NPEPL1: variants seen among roughly 807,000 people sequenced by gnomAD.
The protein encoded by NPEPL1 is probable aminopeptidase NPEPL1.
In NPEPL1, 45 loss-of-function variants were observed where a neutral mutation model predicts 52.4. The observed-to-expected ratio is 0.86, with a 90% confidence interval of 0.68 to 1.10. The LOEUF (loss-of-function observed/expected upper bound fraction) is 1.10. NPEPL1 is among the 50% of genes least tolerant of loss of function. The pLI, the probability that NPEPL1 is intolerant of heterozygous loss-of-function variation, is 0.00. For missense variants in NPEPL1, 696 were observed against 710.9 expected (o/e 0.98, Z 0.24); for synonymous variants, 360 against 314.7 (o/e 1.14, Z -1.52).
chr20:58,691,603 G>A (rs1426121979), upstream of NPEPL1: 2 of 634,180 alleles, frequency 3.2e-6, no homozygotes, highest in Non-Finnish European at 5.5e-6. Flanking sequence ...ACAAGTTAGG[G>A]AGCTAGGGGG....
chr20:58,705,449 T>C, intron 6 of NPEPL1: 1 of 456,190 alleles, frequency 2.2e-6, no homozygotes, highest in Non-Finnish European at 4.4e-6. Flanking sequence ...ATTTTACTGC[T>C]TCAGCAAGGA....
chr20:58,698,447 T>C lies in NPEPL1; in HGVS notation c.508-237T>C, dbSNP rs543970985. Among the ~76,000 whole-genome samples, 242 of 151,970 alleles carry C rather than the reference T, an allele frequency of 1.6e-3. 4 individuals carry two copies. Among genetic ancestry groups the C allele is most frequent in the Non-Finnish European group, 7.4e-4 (50 of 67,906 alleles). On this transcript the variant is annotated intron_variant, in intron 3 of 11. Coordinates refer to ENST00000356091, the MANE Select transcript of NPEPL1 (RefSeq NM_024663.4). ...CAGGCTGGGGACTCCTGTATATTTG[T>C]GGAGGCGCAGGGTGGTGGCTGTGCT...
chr20:58,712,556 C>T lies in NPEPL1; in HGVS notation c.978C>T (p.Asp326=), dbSNP rs746539231. 6 of 1,613,068 alleles carry T rather than the reference C, an allele frequency of 3.7e-6. No homozygotes were observed. In the South Asian group the frequency reaches 5.5e-5, roughly 15 times the overall value. The change falls in exon 8 of 12, where the codon GAC becomes GAT. Residue 326 remains aspartate, a synonymous_variant. Coordinates refer to ENST00000356091, the MANE Select transcript of NPEPL1 (RefSeq NM_024663.4). ...SVGPNATRPD[D]IHLLYSGKTV... ...GGCCCAATGCGACAAGGCCAGATGACATCCACCTGCTGTACTCAGGGAAGT... is the reference window on the plus strand; with the variant it reads ...GGCCCAATGCGACAAGGCCAGATGATATCCACCTGCTGTACTCAGGGAAGT...
In NPEPL1 at chr20:58,714,599, A is replaced by T; in HGVS notation, c.1342A>T (p.Ile448Phe). The T allele has an allele frequency of 6.3e-7, 1 of 1,595,614 alleles. No individual in the cohort carries two copies. Among genetic ancestry groups the T allele is most frequent in the Non-Finnish European group, 8.5e-7 (1 of 1,172,976 alleles). The change falls in exon 11 of 12, where the codon ATC becomes TTC. Residue 448 changes from isoleucine to phenylalanine, a missense_variant. Coordinates refer to ENST00000356091, the MANE Select transcript of NPEPL1 (RefSeq NM_024663.4). ...CCCCAGCTCCTGTGCTGGCCTCTTC[A>T]TCGCCTCACACATCGGCTTCGACTG... Reference protein sequence around the residue: ...NSPSSCAGLFIASHIGFDWPG... With the variant: ...NSPSSCAGLFFASHIGFDWPG...
rs370756982 is a variant in NPEPL1, at chr20:58,714,601, C to T, written c.1344C>T (p.Ile448=). The change falls in exon 11 of 12, where the codon ATC becomes ATT. Residue 448 remains isoleucine, a synonymous_variant. Transcript: ENST00000356091. ...CCAGCTCCTGTGCTGGCCTCTTCAT[C>T]GCCTCACACATCGGCTTCGACTGGC... ...NSPSSCAGLF[I]ASHIGFDWPG... 1.0e-5 allele frequency: 16 copies of T among 1,595,892 alleles called. No individual in the cohort carries two copies. Among genetic ancestry groups the T allele is most frequent in the South Asian group, 3.4e-5 (3 of 88,308 alleles).
upstream of NPEPL1, chr20:58,691,696 T>TTTTTTTTTTTTTTTTTTTTTTTTTG: frequency 6.5e-6 from 1 of 154,994 alleles, no homozygotes; most frequent in Non-Finnish European, 1.0e-5. Context: ...TTCTTTTCTT[T>TTTTTTTTTTTTTTTTTTTTTTTTTG]TTTTTTTTTT....
At chr20:58,706,978 C>T in intron 6 of NPEPL1, 145 bp from the exon 7 acceptor site, 1 of 797,428 alleles carries the variant, frequency 1.3e-6, no homozygotes, top group Admixed American at 2.1e-5. Flanking sequence ...TGTGGGTGCC[C>T]AGGAGGCCTG....
In NPEPL1 at chr20:58,694,510, G is replaced by A. The variant is rs1280472358; in HGVS notation, c.425G>A (p.Arg142Gln). Residue 142 changes from arginine (R) to glutamine (Q), a missense_variant, in exon 3 of 12, where the codon CGG (arginine) becomes CAG (glutamine). Transcript: ENST00000356091. ...TTCACCCACCGCTCAGGTGCCTCTC[G>A]GCGCTTGGAGAAGAAGACGGTCACC... ...PLFTHRSGAS[R>Q]RLEKKTVTVE... is the part of the protein sequence containing the mutation. 1.2e-6 allele frequency: 2 copies of A among 1,613,994 alleles called. No individual in the cohort carries two copies. The highest frequency in any genetic ancestry group is 1.7e-6 in the Non-Finnish European group (2 of 1,179,878).
intron 6 of NPEPL1, among the ~76,000 whole-genome samples, chr20:58,706,011 G>T (rs1189316175): frequency 2.0e-5 from 3 of 152,186 alleles, no homozygotes; most frequent in Admixed American, 6.5e-5. Flanking sequence ...TAAGATAAGG[G>T]TTCAAAAATG....
At chr20:58,712,182 T>C (rs1231138951) in intron 7 of NPEPL1, among the ~76,000 whole-genome samples, 1 of 152,160 alleles carries the variant, frequency 6.6e-6, no homozygotes, top group Non-Finnish European at 1.5e-5. Context: ...TGGCGAGGCT[T>C]CATGACTGCC....
chr20:58,707,425 C>T (rs1241997274), intron 7 of NPEPL1, among the ~76,000 whole-genome samples: 1 of 152,258 alleles, frequency 6.6e-6, no homozygotes, highest in East Asian at 1.9e-4. Flanking sequence ...CAGCCATGTT[C>T]TCTGCTCAGG....
intron 6 of NPEPL1, among the ~76,000 whole-genome samples, chr20:58,702,306 C>T (rs2123114392): frequency 6.6e-6 from 1 of 152,336 alleles, no homozygotes; most frequent in East Asian, 1.9e-4. Flanking sequence ...TGGTGTCACC[C>T]ATTCTCCAGT....
rs1428353221 is a variant in NPEPL1, at chr20:58,713,324, G to A, written c.1002-96G>A. On this transcript the variant is annotated intron_variant, in intron 8 of 11. Coordinates refer to ENST00000356091, the MANE Select transcript of NPEPL1 (RefSeq NM_024663.4). The surrounding 1 kb of genome is among the most constrained non-coding windows in gnomAD (Gnocchi z 4.6). The stretch of plus-strand genomic sequence containing the variant: ...TTGGGGTTCGGGGAGCCACAGGGAT[G>A]GGCAGCTCCAAATGGGGTCTCCCCA... The A allele has an allele frequency of 8.3e-6, 12 of 1,445,284 alleles. No homozygotes were observed. The Admixed American group carries it at 1.9e-4, about 23-fold the overall frequency. 89.5% of individuals were successfully genotyped at this position (1,445,284 alleles called of 1,614,324 possible).
Position 58,713,837 on chromosome 20 carries a change from G to A in NPEPL1, c.1126-80G>A, listed in dbSNP as rs544618653. 132 of 1,356,418 alleles carry A rather than the reference G, an allele frequency of 9.7e-5. No individual in the cohort carries two copies. In the East Asian group the frequency reaches 3.2e-3, roughly 33 times the overall value. 84.0% of individuals were successfully genotyped at this position (1,356,418 alleles called of 1,614,324 possible). A position where few individuals can be genotyped will look rare whatever the true frequency, so the allele number is the denominator to read the frequency against. On this transcript the variant is annotated intron_variant, in intron 9 of 11. Transcript: ENST00000356091. This position sits in a 1 kb window ranked among gnomAD's most constrained non-coding sequence, Gnocchi z 4.6. The stretch of plus-strand genomic sequence containing the variant: ...TTCTGGCTCCCTTATTTCTCTGTCT[G>A]CCTCCCGGTCCCTCTTTTGCCTTGG...
chr20:58,691,274 T>G (rs1267949671), upstream of NPEPL1: 1 of 657,474 alleles, frequency 1.5e-6, no homozygotes, highest in East Asian at 2.7e-5. Flanking sequence ...TGCTGTAAAA[T>G]CTTTTGAAGA....
At chr20:58,699,659 A>C (rs546205756) in intron 5 of NPEPL1, among the ~76,000 whole-genome samples, 1 of 152,240 alleles carries the variant, frequency 6.6e-6, no homozygotes, top group East Asian at 1.9e-4. Context: ...GGCTCTCCCT[A>C]TCTGGAATAC....
chr20:58,715,101 G>T (rs1000939249), intron 11 of NPEPL1, 67 bp from the exon 12 acceptor site: 2 of 1,511,750 alleles, frequency 1.3e-6, no homozygotes, highest in Non-Finnish European at 8.8e-7. Context: ...GAGGTGAGGG[G>T]TCCCCAGGAA....
Position 58,694,471 on chromosome 20 carries a change from G to T in NPEPL1, c.386G>T (p.Arg129Leu). The T allele has an allele frequency of 6.2e-7, 1 of 1,613,868 alleles. No individual in the cohort carries two copies. Among genetic ancestry groups the T allele is most frequent in the Non-Finnish European group, 8.5e-7 (1 of 1,179,826 alleles). The change falls in exon 3 of 12, where the codon CGG becomes CTG. Residue 129 changes from arginine (R) to leucine (L), a missense_variant. Arg to Leu is a moderately radical substitution (Grantham distance 102, BLOSUM62 -2). Transcript: ENST00000356091. ...EVFASACALA[R>L]AFPLFTHRSG... ...TTTGCTTCCGCCTGTGCCCTGGCCCGGGCCTTCCCGCTGTTCACCCACCGC... is the reference window on the plus strand; with the variant it reads ...TTTGCTTCCGCCTGTGCCCTGGCCCTGGCCTTCCCGCTGTTCACCCACCGC...
rs769073117 is a variant in NPEPL1 at position 58,693,766 on chromosome 20, C to A, written c.180C>A (p.Asn60Lys). 1.9e-6 allele frequency: 3 copies of A among 1,612,766 alleles called. No individual in the cohort carries two copies. Among genetic ancestry groups the A allele is most frequent in the Non-Finnish European group, 2.5e-6 (3 of 1,179,026 alleles). Reference protein sequence around the residue: ...ELWQAALSTLNPNPTDSCPLY... With the variant: ...ELWQAALSTLKPNPTDSCPLY... The stretch of plus-strand genomic sequence containing the variant: ...GGCAGGCTGCCCTGAGCACGCTCAA[C>A]CCCAACCCCACGGACAGCTGTCCCC... The change falls in exon 2 of 12, where the codon AAC (asparagine) becomes AAA (lysine). Residue 60 changes from asparagine to lysine, a missense_variant. Physicochemically the swap from Asn to Lys is moderately conservative, Grantham distance 94. Transcript: ENST00000356091.
Sources: gnomAD v4.1 joint callset for allele counts (sites outside exome capture counted in the v4.1 genomes callset) on GRCh38, gnomAD v4.1.1 for gene constraint, Gnocchi (gnomAD v3.1) non-coding constraint, MANE v1.5 for transcripts, NCBI Gene and HGNC (gene_info 2026-07-23, HGNC 2026-07-21) for gene names.